Variants in DPYSL2 observed in about 807,000 individuals in gnomAD.
DPYSL2 encodes the protein dihydropyrimidinase-related protein 2.
A neutral mutation model predicts 69.9 loss-of-function variants in DPYSL2; 13 were observed. The observed-to-expected ratio is 0.19, with a 90% confidence interval of 0.12 to 0.30. DPYSL2 has a LOEUF of 0.30. Among genes scored for constraint, DPYSL2 ranks in the 10% least tolerant of loss-of-function variants. The pLI, the probability that DPYSL2 is intolerant of heterozygous loss-of-function variation, is 1.00. For synonymous variants in DPYSL2, 326 were observed against 359.1 expected (o/e 0.91, Z 1.04); for missense variants, 587 against 918.9 (o/e 0.64, Z 4.67).
rs1421798214 is a variant in DPYSL2 at position 26,560,572 on chromosome 8, AG to A, written c.355-21394del. On this transcript the variant is annotated intron_variant, in intron 1 of 13. Transcript: ENST00000521913. This position sits in a 1 kb window ranked among gnomAD's most constrained non-coding sequence, Gnocchi z 4.4. ...TGAGAAATTCTAGGTGAAGGATTTG[AG>A]GGCTTCCTCTCTCCCAAGCAGAAAT... is the stretch of plus-strand genomic sequence containing the variant. Among the ~76,000 whole-genome samples, 2 of 152,094 alleles carry A rather than the reference AG, an allele frequency of 1.3e-5. No homozygotes were observed. Among genetic ancestry groups the A allele is most frequent in the Non-Finnish European group, 2.9e-5 (2 of 68,024 alleles).
At position 26,622,137 on chromosome 8, in the gene DPYSL2, CCTT is replaced by C. The variant is rs1270863970; in HGVS notation, c.629-2004_629-2002del. On this transcript the variant is annotated intron_variant, in intron 3 of 13. Transcript: ENST00000521913. ...TCCTTCCTTCCTTCCTTCCTTCCTT[CCTT>C]CCTTCCTTCCTTCCTTCCCTCTCTC... Among the ~76,000 whole-genome samples, 106 of 54,244 alleles carry C rather than the reference CCTT, an allele frequency of 2.0e-3. 2 individuals are homozygous for C. The highest frequency in any genetic ancestry group is 4.2e-3 in the Admixed American group (24 of 5,676). 35.6% of individuals were successfully genotyped at this position (54,244 alleles called of 152,430 possible).
At position 26,627,367 on chromosome 8, in the gene DPYSL2, G is replaced by A; in HGVS notation, c.936+72G>A. 3 of 1,472,968 alleles carry A rather than the reference G, an allele frequency of 2.0e-6. No individual in the cohort carries two copies. The highest frequency in any genetic ancestry group is 2.8e-6 in the Non-Finnish European group (3 of 1,054,542). The allele number at this position is 1,472,968 out of a possible 1,614,324, so 91.2% of individuals were successfully genotyped here. On this transcript the variant is annotated intron_variant, in intron 6 of 13. Transcript: ENST00000521913. This position sits in a 1 kb window ranked among gnomAD's most constrained non-coding sequence, Gnocchi z 6.9. ...GAGGCAGGCTCAAGAAAGGGAAGCTGCATCTGTAGCTTAACACCAAGGTGG... is the reference window on the plus strand; with the variant it reads ...GAGGCAGGCTCAAGAAAGGGAAGCTACATCTGTAGCTTAACACCAAGGTGG...
At chr8:26,520,133 G>T (rs966156614) in intron 1 of DPYSL2, among the ~76,000 whole-genome samples, 5 of 152,074 alleles carry the variant, frequency 3.3e-5, no homozygotes, top group African/African-American at 7.2e-5. Context: ...CCTTTTGCTT[G>T]GTTCTCATTC....
chr8:26,630,939 A>G (rs1376841802), intron 7 of DPYSL2, among the ~76,000 whole-genome samples: 1 of 152,164 alleles, frequency 6.6e-6, no homozygotes, highest in Non-Finnish European at 1.5e-5. Flanking sequence ...TCTGCCTGCC[A>G]TGTACCAGCT....
rs368197533 is a variant in DPYSL2 at position 26,607,705 on chromosome 8, G to A, written c.629-16438G>A. ...CTTAGGAGGCTGAGGTGGGAGGATT[G>A]CTTGAGCCTGGCAGGTTGAGGCTGC... On this transcript the variant is annotated intron_variant, in intron 3 of 13. Coordinates refer to ENST00000521913, the MANE Select transcript of DPYSL2 (RefSeq NM_001197293.3). Among the ~76,000 whole-genome samples, 28 of 151,948 alleles carry A rather than the reference G, an allele frequency of 1.8e-4. 1 individual carries two copies. The South Asian group carries it at 5.8e-3, about 32-fold the overall frequency.
intron 3 of DPYSL2, among the ~76,000 whole-genome samples, chr8:26,612,801 C>T (rs141565607): frequency 3.5e-4 from 53 of 152,242 alleles, no homozygotes; most frequent in African/African-American, 1.2e-3. Flanking sequence ...TAGAAGGAGG[C>T]GGTGGTTTAA....
At position 26,614,387 on chromosome 8, in the gene DPYSL2, G is replaced by A. The variant is rs1423563501; in HGVS notation, c.629-9756G>A. Among the ~76,000 whole-genome samples the A allele has an allele frequency of 1.3e-5, 2 of 152,150 alleles. No individual in the cohort carries two copies. The highest frequency in any genetic ancestry group is 4.8e-5 in the African/African-American group (2 of 41,452). ...CAACATTCAGCTCCCTCCATAGCTC[G>A]ATGAGAAGAGAGGGGTGGGGACAGG... is the stretch of plus-strand genomic sequence containing the variant. On this transcript the variant is annotated intron_variant, in intron 3 of 13. Transcript: ENST00000521913. The surrounding 1 kb of genome is among the most constrained non-coding windows in gnomAD (Gnocchi z 4.9).
At position 26,618,778 on chromosome 8, in the gene DPYSL2, C is replaced by CAA. The variant is rs71216765; in HGVS notation, c.629-5344_629-5343dup. ...CAACATGGTGAAACCCCATCTCTAC[C>CAA]AAAAAAAAAAAAAAAAAAAAAATAC... On this transcript the variant is annotated intron_variant, in intron 3 of 13. Coordinates refer to ENST00000521913, the MANE Select transcript of DPYSL2 (RefSeq NM_001197293.3). 5.1e-3 allele frequency among the ~76,000 whole-genome samples: 436 copies of CAA among 85,126 alleles called. 5 individuals are homozygous for CAA. The highest frequency in any genetic ancestry group is 0.02 in the African/African-American group (413 of 20,992). 55.8% of individuals were successfully genotyped at this position (85,126 alleles called of 152,430 possible).
intron 1 of DPYSL2, among the ~76,000 whole-genome samples, chr8:26,567,710 T>G (rs980216362): frequency 5.3e-5 from 8 of 152,154 alleles, no homozygotes; most frequent in African/African-American, 1.9e-4. Context: ...CTGGGCATGC[T>G]GGGAGAGGCA....
intron 8 of DPYSL2, 30 bp downstream of exon 8, chr8:26,634,930 C>A: frequency 1.9e-6 from 3 of 1,612,826 alleles, no homozygotes; most frequent in Non-Finnish European, 2.5e-6. Flanking sequence ...TGGCTGATGG[C>A]AGGTGGGGAG....
Position 26,643,390 on chromosome 8 carries a change from C to T in DPYSL2, c.1127-49C>T. 2.0e-6 allele frequency: 3 copies of T among 1,529,428 alleles called. No individual in the cohort carries two copies. The highest frequency in any genetic ancestry group is 2.6e-6 in the Non-Finnish European group (3 of 1,140,312). The allele number at this position is 1,529,428 out of a possible 1,614,324, so 94.7% of individuals were successfully genotyped here. ...AGTGGCTCCTCATAGGGGTGGTTCC[C>T]TTCCCCCTGCATTGTGTTGGACTGA... On this transcript the variant is annotated intron_variant, in intron 8 of 13. Transcript: ENST00000521913. The surrounding 1 kb of genome is among the most constrained non-coding windows in gnomAD (Gnocchi z 6.5).
rs74615146 is a variant in DPYSL2 at position 26,588,752 on chromosome 8, T to G, written c.628+4769T>G. On this transcript the variant is annotated intron_variant, in intron 3 of 13. Coordinates refer to ENST00000521913, the MANE Select transcript of DPYSL2 (RefSeq NM_001197293.3). The surrounding 1 kb of genome is among the most constrained non-coding windows in gnomAD (Gnocchi z 5.4). Reference sequence around the variant, plus strand: ...TGTGCATCAGGCACCTCCATCCAACTGTCCCCAGTTGGACTCCCTGTCTGC... The same window carrying G: ...TGTGCATCAGGCACCTCCATCCAACGGTCCCCAGTTGGACTCCCTGTCTGC... Among the ~76,000 whole-genome samples the G allele has an allele frequency of 0.05, 7,565 of 152,214 alleles. 279 individuals are homozygous for G. Among genetic ancestry groups the G allele is most frequent in the South Asian group, 0.16 (765 of 4,826 alleles).
chr8:26,613,366 C>T (rs1010842328), intron 3 of DPYSL2, among the ~76,000 whole-genome samples: 4 of 152,218 alleles, frequency 2.6e-5, no homozygotes, highest in African/African-American at 9.7e-5. Flanking sequence ...ATCCTCATTC[C>T]AGGGCCCAGG....
At chr8:26,549,229 C>A (rs979582748) in intron 1 of DPYSL2, among the ~76,000 whole-genome samples, 3 of 128,346 alleles carry the variant, frequency 2.3e-5, no homozygotes, top group South Asian at 4.8e-4. Context: ...TAATAATAAT[C>A]AAAAGGATAT....
chr8:26,606,053 A>G (rs1802100645), intron 3 of DPYSL2, among the ~76,000 whole-genome samples: 1 of 152,184 alleles, frequency 6.6e-6, no homozygotes. Flanking sequence ...TATTAAAACA[A>G]ACTGTAAAAA....
intron 3 of DPYSL2, among the ~76,000 whole-genome samples, chr8:26,606,357 A>C (rs1422390459): frequency 6.6e-6 from 1 of 152,212 alleles, no homozygotes; most frequent in Non-Finnish European, 1.5e-5. Context: ...GAAAATACAG[A>C]TGAAAAGCCA....
At chr8:26,604,490 G>C (rs971983733) in intron 3 of DPYSL2, among the ~76,000 whole-genome samples, 2 of 152,180 alleles carry the variant, frequency 1.3e-5, no homozygotes, top group African/African-American at 4.8e-5. Flanking sequence ...AAAGGAATGG[G>C]TGAGAACCTG....
intron 1 of DPYSL2, among the ~76,000 whole-genome samples, chr8:26,529,779 A>G (rs1172399179): frequency 7.1e-6 from 1 of 141,608 alleles, no homozygotes; most frequent in Non-Finnish European, 1.5e-5. Flanking sequence ...GACAGGACAT[A>G]TGATTGTGCC....
chr8:26,536,171 C>T (rs1306263407), intron 1 of DPYSL2, among the ~76,000 whole-genome samples: 3 of 150,402 alleles, frequency 2.0e-5, no homozygotes, highest in African/African-American at 7.4e-5. Flanking sequence ...AACTCCTGGG[C>T]TCAAGTAATC....
Sources: gnomAD v4.1 joint callset for allele counts (sites outside exome capture counted in the v4.1 genomes callset) on GRCh38, gnomAD v4.1.1 for gene constraint, Gnocchi (gnomAD v3.1) non-coding constraint, MANE v1.5 for transcripts, NCBI Gene and HGNC (gene_info 2026-07-23, HGNC 2026-07-21) for gene names.